CACNA1D: variants seen among roughly 807,000 people sequenced by gnomAD.
CACNA1D encodes calcium voltage-gated channel subunit alpha1 D.
In CACNA1D, 55 loss-of-function variants were observed where a neutral mutation model predicts 257.1. The ratio of observed to expected loss-of-function variants is 0.21; its 90% CI spans 0.17 to 0.27. The LOEUF is 0.27. CACNA1D is among the 10% of genes least tolerant of loss of function. The pLI is 1.00. For synonymous variants in CACNA1D, 980 were observed against 1,014.9 expected (o/e 0.97, Z 0.65); for missense variants, 1,876 against 2,784.0 (o/e 0.67, Z 7.34).
At position 53,673,203 on chromosome 3, in the gene CACNA1D, G is replaced by T; in HGVS notation, c.1220+77G>T. The T allele has an allele frequency of 1.0e-6, 1 of 973,298 alleles. No homozygotes were observed. The highest frequency in any genetic ancestry group is 1.6e-6 in the Non-Finnish European group (1 of 625,954). The allele number at this position is 973,298 out of a possible 1,614,324, so 60.3% of individuals were successfully genotyped here. On this transcript the variant is annotated intron_variant, in intron 8 of 47. Coordinates refer to ENST00000350061, the MANE Select transcript of CACNA1D (RefSeq NM_001128840.3). The surrounding 1 kb of genome is among the most constrained non-coding windows in gnomAD (Gnocchi z 4.1). ...AGACCACACAAGCTTTGCTGGATGAGGGCCGCCAAGAGGGGTTGCCAGACA... is the reference window on the plus strand; with the variant it reads ...AGACCACACAAGCTTTGCTGGATGATGGCCGCCAAGAGGGGTTGCCAGACA...
At chr3:53,773,062 G>A (rs2095375313) in intron 33 of CACNA1D, among the ~76,000 whole-genome samples, 164 bp downstream of exon 33, 1 of 152,236 alleles carries the variant, frequency 6.6e-6, no homozygotes, top group Non-Finnish European at 1.5e-5. Flanking sequence ...TTAGTAGAGA[G>A]CTCCAGGGGA....
In CACNA1D at chr3:53,624,629, T is replaced by A. The variant is rs149753428; in HGVS notation, c.484-26150T>A. On this transcript the variant is annotated intron_variant, in intron 3 of 47. Coordinates refer to ENST00000350061, the MANE Select transcript of CACNA1D (RefSeq NM_001128840.3). ...ATATGGCACTTCACTTGGGAAGTGCTCCAACAGAGGCACTCTGCTGTATCC... is the reference window on the plus strand; with the variant it reads ...ATATGGCACTTCACTTGGGAAGTGCACCAACAGAGGCACTCTGCTGTATCC... Among the ~76,000 whole-genome samples the A allele has an allele frequency of 9.9e-3, 1,515 of 152,288 alleles. 22 individuals carry two copies. Among genetic ancestry groups the A allele is most frequent in the African/African-American group, 0.035 (1,455 of 41,554 alleles).
intron 3 of CACNA1D, among the ~76,000 whole-genome samples, chr3:53,582,659 G>A (rs757382926): frequency 3.3e-5 from 5 of 152,122 alleles, no homozygotes; most frequent in African/African-American, 4.8e-5. Context: ...CTCAATAGCA[G>A]CAAGTTGAGT....
chr3:53,711,044 A>C (rs2094749098), intron 9 of CACNA1D, among the ~76,000 whole-genome samples: 2 of 152,222 alleles, frequency 1.3e-5, no homozygotes, highest in African/African-American at 2.4e-5. Context: ...TAGCCTGGGC[A>C]ACAAAGTGAG....
chr3:53,767,835 C>T (rs1352472787), intron 30 of CACNA1D, among the ~76,000 whole-genome samples: 1 of 152,158 alleles, frequency 6.6e-6, no homozygotes, highest in African/African-American at 2.4e-5. Flanking sequence ...CAGTCACATC[C>T]TCCCCTGAAG....
chr3:53,543,690 T>A (rs2092352201), intron 3 of CACNA1D, among the ~76,000 whole-genome samples: 1 of 152,200 alleles, frequency 6.6e-6, no homozygotes, highest in Non-Finnish European at 1.5e-5. Flanking sequence ...CTTATTTAGC[T>A]CTCAGAATCA....
intron 3 of CACNA1D, among the ~76,000 whole-genome samples, chr3:53,578,635 GGT>G (rs777107837): frequency 1.3e-5 from 2 of 152,096 alleles, no homozygotes; most frequent in East Asian, 1.9e-4. Flanking sequence ...CAAGGAGGGT[GGT>G]GCAATGGAGC....
chr3:53,735,301 C>A, intron 19 of CACNA1D, 73 bp from the exon 20 acceptor site: 2 of 1,409,988 alleles, frequency 1.4e-6, no homozygotes, highest in Non-Finnish European at 2.0e-6. Flanking sequence ...GCTGCAGTGG[C>A]CCCACACTCT....
rs760813746 is a variant in CACNA1D at position 53,723,532 on chromosome 3, C to T, written c.1765C>T (p.Arg589Trp). ...AGCATATTTCGTCTCTCTTTTCAAC[C>T]GGTTTGATTGCTTCGTGGTGTGTGG... is the stretch of plus-strand genomic sequence containing the variant. The part of the protein sequence containing the change: ...LQAYFVSLFN[R>W]FDCFVVCGGI... The change falls in exon 13 of 48, where the codon CGG becomes TGG. Residue 589 changes from arginine (R) to tryptophan (W), a missense_variant. Physicochemically the swap from Arg to Trp is moderately radical, Grantham distance 101. Coordinates refer to ENST00000350061, the MANE Select transcript of CACNA1D (RefSeq NM_001128840.3). The surrounding 1 kb of genome is among the most constrained non-coding windows in gnomAD (Gnocchi z 5.6). 5.6e-6 allele frequency: 9 copies of T among 1,613,878 alleles called. No individual in the cohort carries two copies. Among genetic ancestry groups the T allele is most frequent in the Non-Finnish European group, 6.8e-6 (8 of 1,179,996 alleles).
intron 3 of CACNA1D, among the ~76,000 whole-genome samples, chr3:53,551,898 A>G (rs2092542822): frequency 6.6e-6 from 1 of 152,096 alleles, no homozygotes; most frequent in South Asian, 2.1e-4. Flanking sequence ...GTGAATGGGG[A>G]AATTCTCCCA....
intron 26 of CACNA1D, among the ~76,000 whole-genome samples, chr3:53,747,959 C>T (rs149129949): frequency 8.5e-5 from 13 of 152,306 alleles, no homozygotes; most frequent in African/African-American, 2.2e-4. Context: ...TGGCTGACTG[C>T]GTGCTTAGAT....
intron 3 of CACNA1D, among the ~76,000 whole-genome samples, chr3:53,543,335 C>T (rs1011919988): frequency 2.0e-5 from 3 of 152,102 alleles, no homozygotes; most frequent in Non-Finnish European, 4.4e-5. Flanking sequence ...CAACCCATTT[C>T]GGGAGTAAAC....
In CACNA1D at chr3:53,789,671, G is replaced by A. The variant is rs1032876376; in HGVS notation, c.4923+2719G>A. 7.9e-5 allele frequency among the ~76,000 whole-genome samples: 12 copies of A among 152,242 alleles called. No homozygotes were observed. Among genetic ancestry groups the A allele is most frequent in the African/African-American group, 2.9e-4 (12 of 41,458 alleles). On this transcript the variant is annotated intron_variant, in intron 40 of 47. Coordinates refer to ENST00000350061, the MANE Select transcript of CACNA1D (RefSeq NM_001128840.3). The surrounding 1 kb of genome is among the most constrained non-coding windows in gnomAD (Gnocchi z 4.2). Reference sequence around the variant, plus strand: ...CATGGCTGGCAGACTGCGTGCTAATGGAAAGTGGAGCATGGCCGTCGCAGT... The same window carrying A: ...CATGGCTGGCAGACTGCGTGCTAATAGAAAGTGGAGCATGGCCGTCGCAGT...
chr3:53,546,046 C>T (rs947414139), intron 3 of CACNA1D, among the ~76,000 whole-genome samples: 2 of 152,024 alleles, frequency 1.3e-5, no homozygotes, highest in Non-Finnish European at 2.9e-5. Context: ...GTCTAAGGCT[C>T]GTGGATGGGG....
intron 3 of CACNA1D, among the ~76,000 whole-genome samples, chr3:53,531,867 A>G (rs182328018): frequency 3.4e-4 from 52 of 152,350 alleles, no homozygotes; most frequent in South Asian, 2.9e-3. Context: ...TAAAAGAACA[A>G]GGAAGCTTGC....
chr3:53,526,847 A>G (rs1023029478), intron 3 of CACNA1D, among the ~76,000 whole-genome samples: 4 of 152,264 alleles, frequency 2.6e-5, no homozygotes, highest in African/African-American at 9.6e-5. Flanking sequence ...CATCGTGCAT[A>G]AGAAGCAGCT....
chr3:53,534,627 C>T lies in CACNA1D; in HGVS notation c.483+32907C>T, dbSNP rs551166420. On this transcript the variant is annotated intron_variant, in intron 3 of 47. Transcript: ENST00000350061. ...TCTCTCTGCCCACTGGTTTCTGTGA[C>T]CCACGCCCTTCCCACCCCATTCTGC... Among the ~76,000 whole-genome samples, 45 of 152,298 alleles carry T rather than the reference C, an allele frequency of 3.0e-4. 1 individual carries two copies. The highest frequency in any genetic ancestry group is 9.9e-4 in the African/African-American group (41 of 41,570).
chr3:53,545,524 G>A (rs2092393002), intron 3 of CACNA1D, among the ~76,000 whole-genome samples: 1 of 152,216 alleles, frequency 6.6e-6, no homozygotes, highest in African/African-American at 2.4e-5. Flanking sequence ...TGATTCCCAG[G>A]GGAGCTTCAG....
Position 53,810,062 on chromosome 3 carries a change from G to T in CACNA1D, c.5956G>T (p.Ala1986Ser), listed in dbSNP as rs756101464. 1 of 1,613,910 alleles carries T rather than the reference G, an allele frequency of 6.2e-7. No individual in the cohort carries two copies. The highest frequency in any genetic ancestry group is 8.5e-7 in the Non-Finnish European group (1 of 1,180,002). ...HSTRSWATPP[A>S]TPPYRDWTPC... ...GACCCGGTCGTGGGCCACCCCTCCA[G>T]CAACCCCTCCCTACCGGGACTGGAC... is the stretch of plus-strand genomic sequence containing the variant. The change falls in exon 47 of 48, where the codon GCA becomes TCA. Residue 1986 changes from alanine to serine, a missense_variant. Physicochemically the swap from Ala to Ser is moderately conservative, Grantham distance 99. Transcript: ENST00000350061.
Sources: gnomAD v4.1 joint callset for allele counts (sites outside exome capture counted in the v4.1 genomes callset) on GRCh38, gnomAD v4.1.1 for gene constraint, Gnocchi (gnomAD v3.1) non-coding constraint, MANE v1.5 for transcripts, NCBI Gene and HGNC (gene_info 2026-07-23, HGNC 2026-07-21) for gene names.